The following PDE4D variants were observed in gnomAD, a reference collection of about 807,000 sequenced individuals.
PDE4D encodes the protein 3',5'-cyclic-AMP phosphodiesterase 4D.
Under a neutral mutation model 87.4 loss-of-function variants are expected in PDE4D, and 24 were observed. That is an observed-to-expected ratio of 0.27 (90% confidence interval 0.20 to 0.39). PDE4D has a LOEUF of 0.39. Among genes scored for constraint, PDE4D ranks in the 10% least tolerant of loss-of-function variants. The pLI is 1.00. For missense variants in PDE4D, 714 were observed against 1,041.0 expected (o/e 0.69, Z 4.32); for synonymous variants, 384 against 383.2 (o/e 1.00, Z -0.02).
chr5:59,517,438 T>G (rs1811371254), intron 1 of PDE4D, among the ~76,000 whole-genome samples: 1 of 152,188 alleles, frequency 6.6e-6, no homozygotes, highest in African/African-American at 2.4e-5. Context: ...CCTTTCAACC[T>G]TTGTTTTAGA....
intron 5 of PDE4D, among the ~76,000 whole-genome samples, chr5:59,055,856 C>G (rs1040150636): frequency 2.0e-5 from 3 of 152,220 alleles, no homozygotes; most frequent in African/African-American, 7.2e-5. Flanking sequence ...TCAACAAATA[C>G]TTGTTGAACC....
chr5:59,201,265 G>T (rs998672393), intron 2 of PDE4D, among the ~76,000 whole-genome samples: 19 of 152,054 alleles, frequency 1.2e-4, no homozygotes, highest in African/African-American at 4.6e-4. Context: ...AAACTGGGCT[G>T]CACAGGTAAT....
intron 5 of PDE4D, among the ~76,000 whole-genome samples, chr5:59,080,387 T>C (rs1159865617): frequency 6.6e-6 from 1 of 152,194 alleles, no homozygotes; most frequent in Non-Finnish European, 1.5e-5. Context: ...GATGACTACA[T>C]AATGGCCTGC....
chr5:60,416,379 TTGC>T (rs1452855808), intron 1 of PDE4D, among the ~76,000 whole-genome samples: 1 of 152,204 alleles, frequency 6.6e-6, no homozygotes, highest in Non-Finnish European at 1.5e-5. Context: ...GCAATAAATC[TTGC>T]TGCTGCTCAC....
At position 60,102,225 on chromosome 5, in the gene PDE4D, G is replaced by GT. The variant is rs574204879; in HGVS notation, c.42+83331dup. Among the ~76,000 whole-genome samples the GT allele has an allele frequency of 2.6e-3, 397 of 151,958 alleles. 3 individuals carry two copies. The highest frequency in any genetic ancestry group is 8.7e-3 in the African/African-American group (360 of 41,456). ...TATACCAGGGATTTTGTTTTGTTTTGTTTTTTGTTTTTTTGCTTTTTTGCT... is the reference window on the plus strand; with the variant it reads ...TATACCAGGGATTTTGTTTTGTTTTGTTTTTTTGTTTTTTTGCTTTTTTGCT... On this transcript the variant is annotated intron_variant, in intron 2 of 16. Transcript: ENST00000502484.
chr5:60,238,585 T>A (rs531177960), intron 1 of PDE4D, among the ~76,000 whole-genome samples: 40 of 152,186 alleles, frequency 2.6e-4, no homozygotes, highest in Middle Eastern at 6.8e-3. Context: ...TTCCTTTTTT[T>A]AATTTGCATT....
At chr5:59,313,727 A>G (rs77737825) in intron 1 of PDE4D, among the ~76,000 whole-genome samples, 8,799 of 152,252 alleles carry the variant, frequency 0.058, 342 homozygotes, top group Non-Finnish European at 0.083. Context: ...TACAGAGAGT[A>G]CTGCTGGCTC....
intron 1 of PDE4D, among the ~76,000 whole-genome samples, chr5:60,215,352 A>G (rs1197208344): frequency 6.6e-6 from 1 of 152,150 alleles, no homozygotes; most frequent in Non-Finnish European, 1.5e-5. Flanking sequence ...GGGATAAAAA[A>G]CTATCCTTGT....
intron 1 of PDE4D, among the ~76,000 whole-genome samples, chr5:59,469,330 AAAACAAAC>A (rs1001347971): frequency 6.6e-6 from 1 of 152,140 alleles, no homozygotes. Flanking sequence ...TCCATCTCAA[AAAACAAAC>A]AAACAAACAA....
intron 5 of PDE4D, among the ~76,000 whole-genome samples, chr5:59,106,981 A>G (rs1285152190): frequency 6.6e-6 from 1 of 152,220 alleles, no homozygotes; most frequent in Non-Finnish European, 1.5e-5. Flanking sequence ...TAAACTAGTG[A>G]GAAATTATAA....
intron 5 of PDE4D, among the ~76,000 whole-genome samples, chr5:59,053,658 G>GTTTTTTT (rs1420455755): frequency 1.2e-5 from 1 of 81,060 alleles, no homozygotes; most frequent in South Asian, 3.3e-4. Context: ...TTTTTTTGTT[G>GTTTTTTT]TTGTTTTTTT....
At chr5:59,457,051 C>G (rs759617415) in intron 1 of PDE4D, among the ~76,000 whole-genome samples, 1 of 152,192 alleles carries the variant, frequency 6.6e-6, no homozygotes, top group African/African-American at 2.4e-5. Flanking sequence ...TTAGCTGATA[C>G]AGCAGCAGTT....
chr5:60,187,516 TA>T (rs1784877728), intron 1 of PDE4D, among the ~76,000 whole-genome samples: 2 of 152,208 alleles, frequency 1.3e-5, no homozygotes, highest in South Asian at 4.1e-4. Flanking sequence ...AACCATGGAA[TA>T]GTTGCCCTAC....
intron 1 of PDE4D, among the ~76,000 whole-genome samples, chr5:59,302,142 G>A (rs1429798203): frequency 1.3e-5 from 2 of 152,068 alleles, no homozygotes; most frequent in African/African-American, 4.8e-5. Context: ...CCACCAAACG[G>A]CACATGCAGC....
chr5:59,618,093 AG>A (rs1579893912), intron 1 of PDE4D, among the ~76,000 whole-genome samples: 1 of 152,184 alleles, frequency 6.6e-6, no homozygotes, highest in East Asian at 1.9e-4. Context: ...TGTAAAAAAA[AG>A]AATTCTTCGA....
chr5:60,514,485 TA>T (rs2150258928), intron 1 of PDE4D, among the ~76,000 whole-genome samples: 1 of 152,196 alleles, frequency 6.6e-6, no homozygotes, highest in East Asian at 1.9e-4. Context: ...ACAGTGTAAC[TA>T]AATTCAGTTT....
intron 1 of PDE4D, among the ~76,000 whole-genome samples, chr5:60,233,098 A>C (rs927070408): frequency 6.6e-6 from 1 of 151,768 alleles, no homozygotes; most frequent in East Asian, 1.9e-4. Flanking sequence ...TCATGGGAAT[A>C]AGGTTAGCAG....
chr5:59,119,832 A>G (rs1227462337), intron 5 of PDE4D, among the ~76,000 whole-genome samples: 1 of 152,144 alleles, frequency 6.6e-6, no homozygotes, highest in Non-Finnish European at 1.5e-5. Flanking sequence ...ACAAATTAAA[A>G]TTCTGCTTTT....
At chr5:60,142,208 G>A (rs1267897804) in intron 2 of PDE4D, among the ~76,000 whole-genome samples, 3 of 151,188 alleles carry the variant, frequency 2.0e-5, no homozygotes, top group Non-Finnish European at 4.4e-5. Context: ...AAGGAAGGAC[G>A]GATGGGAGGG....
Sources: gnomAD v4.1 joint callset for allele counts (sites outside exome capture counted in the v4.1 genomes callset) on GRCh38, gnomAD v4.1.1 for gene constraint, MANE v1.5 for transcripts, NCBI Gene and HGNC (gene_info 2026-07-23, HGNC 2026-07-21) for gene names.